Variants in WWOX observed in about 807,000 individuals in gnomAD.
WWOX encodes WW domain containing oxidoreductase.
A neutral mutation model predicts 46.2 loss-of-function variants in WWOX; 69 were observed. The ratio of observed to expected loss-of-function variants is 1.49; its 90% CI spans 1.23 to 1.82. WWOX has a LOEUF of 1.82. Among genes scored for constraint, WWOX ranks in the 40% most tolerant of loss-of-function variants. WWOX has a pLI of 0.00. For synonymous variants in WWOX, 359 were observed against 202.6 expected (o/e 1.77, Z -6.56); for missense variants, 919 against 542.6 (o/e 1.69, Z -6.89).
At chr16:79,064,297 TTTAAGATGATGGTTTA>T (rs1489921057) in intron 8 of WWOX, among the ~76,000 whole-genome samples, 1 of 152,224 alleles carries the variant, frequency 6.6e-6, no homozygotes, top group African/African-American at 2.4e-5. Context: ...TGGTTGAGAA[TTTAAGATGATGGTTTA>T]GGGCATAGCT....
chr16:79,114,297 A>G (rs1293692437), intron 8 of WWOX, among the ~76,000 whole-genome samples: 1 of 151,978 alleles, frequency 6.6e-6, no homozygotes, highest in African/African-American at 2.4e-5. Context: ...ATCTGGCTGG[A>G]TTAAGATGGA....
chr16:78,951,049 C>G (rs1161487966), intron 8 of WWOX, among the ~76,000 whole-genome samples: 1 of 152,184 alleles, frequency 6.6e-6, no homozygotes, highest in African/African-American at 2.4e-5. Context: ...AATTGTAGGA[C>G]AATGAGAAGA....
chr16:78,679,148 G>T (rs1164405868), intron 8 of WWOX, among the ~76,000 whole-genome samples: 1 of 152,200 alleles, frequency 6.6e-6, no homozygotes, highest in Non-Finnish European at 1.5e-5. Context: ...ATTCAGGGAG[G>T]ATTGTGTCCC....
At chr16:78,427,252 T>C (rs2083102740) in intron 7 of WWOX, among the ~76,000 whole-genome samples, 1 of 152,212 alleles carries the variant, frequency 6.6e-6, no homozygotes, top group Non-Finnish European at 1.5e-5. Context: ...GCAGAAAATA[T>C]TATACTAGAC....
chr16:78,566,233 C>G (rs766138623), intron 8 of WWOX, among the ~76,000 whole-genome samples: 6 of 152,164 alleles, frequency 3.9e-5, no homozygotes, highest in Non-Finnish European at 7.4e-5. Context: ...TCCCAAAGCC[C>G]CACCTCCAAG....
chr16:79,106,739 C>T (rs1374036217), intron 8 of WWOX: 2 of 150,340 alleles, frequency 1.3e-5, no homozygotes, highest in Non-Finnish European at 3.0e-5. Flanking sequence ...CAGCCTCAGC[C>T]TCCGAGTAAC....
chr16:79,184,185 C>G (rs1312026063), intron 8 of WWOX, among the ~76,000 whole-genome samples: 1 of 152,162 alleles, frequency 6.6e-6, no homozygotes, highest in Non-Finnish European at 1.5e-5. Flanking sequence ...GTTGAATTGA[C>G]TAATTCAAAT....
At chr16:78,541,423 G>C (rs1457345281) in intron 8 of WWOX, among the ~76,000 whole-genome samples, 1 of 129,292 alleles carries the variant, frequency 7.7e-6, no homozygotes, top group Non-Finnish European at 1.6e-5. Context: ...GCAGTGAGCC[G>C]AGAGCCCGCC....
intron 8 of WWOX, among the ~76,000 whole-genome samples, chr16:78,930,261 TCCTTCCTTTCTCTCTTTC>T (rs2045592875): frequency 1.6e-5 from 2 of 127,516 alleles, no homozygotes; most frequent in African/African-American, 3.1e-5. Context: ...CTTCCTTCCT[TCCTTCCTTTCTCTCTTTC>T]TTTTTTTATT....
intron 8 of WWOX, among the ~76,000 whole-genome samples, chr16:78,616,627 G>A (rs145167823): frequency 1.3e-5 from 2 of 151,914 alleles, no homozygotes; most frequent in Non-Finnish European, 2.9e-5. Flanking sequence ...AACTTAGCCA[G>A]GCTCGGTGGC....
At chr16:78,675,457 A>T (rs1004488424) in intron 8 of WWOX, among the ~76,000 whole-genome samples, 7 of 152,204 alleles carry the variant, frequency 4.6e-5, no homozygotes, top group African/African-American at 1.4e-4. Flanking sequence ...TTTAACAAAT[A>T]CTTTTATGGG....
At chr16:79,098,116 T>C (rs78625108) in intron 8 of WWOX, among the ~76,000 whole-genome samples, 5,295 of 152,304 alleles carry the variant, frequency 0.035, 136 homozygotes, top group African/African-American at 0.066. Flanking sequence ...AGACGCTCTT[T>C]AGTCCAGCAA....
intron 8 of WWOX, among the ~76,000 whole-genome samples, chr16:78,520,822 A>T (rs62033974): frequency 6.6e-6 from 1 of 152,174 alleles, no homozygotes; most frequent in Non-Finnish European, 1.5e-5. Context: ...GGCCTCTGGA[A>T]GTCCAGTTTT....
chr16:78,812,494 G>A (rs893419886), intron 8 of WWOX, among the ~76,000 whole-genome samples: 35 of 152,236 alleles, frequency 2.3e-4, no homozygotes, highest in African/African-American at 8.2e-4. Flanking sequence ...GGCCGAGGTG[G>A]ACGGATCACC....
At chr16:78,775,457 C>G (rs1006061485) in intron 8 of WWOX, among the ~76,000 whole-genome samples, 1 of 152,074 alleles carries the variant, frequency 6.6e-6, no homozygotes, top group African/African-American at 2.4e-5. Flanking sequence ...ACTGAGATAC[C>G]CAGACTCATT....
intron 8 of WWOX, among the ~76,000 whole-genome samples, chr16:78,829,133 G>C (rs372077432): frequency 1.2e-4 from 16 of 133,344 alleles, no homozygotes; most frequent in Middle Eastern, 3.7e-3. Flanking sequence ...GATGGATGGA[G>C]AGAGAGAGAG....
chr16:78,820,070 T>A (rs778478527), intron 8 of WWOX, among the ~76,000 whole-genome samples: 9 of 152,222 alleles, frequency 5.9e-5, no homozygotes, highest in Non-Finnish European at 1.0e-4. Flanking sequence ...TGTACTGTCA[T>A]CGTTATCATT....
intron 5 of WWOX, among the ~76,000 whole-genome samples, chr16:78,293,725 C>T (rs1353686262): frequency 2.0e-5 from 3 of 152,056 alleles, no homozygotes; most frequent in South Asian, 2.1e-4. Context: ...GGCCTGTAAT[C>T]CCAGCACTTT....
intron 8 of WWOX, chr16:78,525,244 G>T (rs2043436701): frequency 1.4e-5 from 2 of 146,104 alleles, no homozygotes; most frequent in South Asian, 4.3e-4. Context: ...GGTGTGCAGT[G>T]GCATGATCTC....
Sources: gnomAD v4.1 joint callset for allele counts (sites outside exome capture counted in the v4.1 genomes callset) on GRCh38, gnomAD v4.1.1 for gene constraint, MANE v1.5 for transcripts, NCBI Gene and HGNC (gene_info 2026-07-23, HGNC 2026-07-21) for gene names.